LRRC37B: variants seen among roughly 807,000 people sequenced by gnomAD.
The protein encoded by LRRC37B is leucine-rich repeat-containing protein 37B.
A neutral mutation model predicts 98.3 loss-of-function variants in LRRC37B; 28 were observed. That is an observed-to-expected ratio of 0.28 (90% CI 0.21 to 0.39). LRRC37B has a LOEUF of 0.39. Ranked by LOEUF, LRRC37B falls within the 10% of genes least tolerant of loss-of-function variation. The probability of loss-of-function intolerance (pLI) is 1.00; values close to 1 mark genes in which losing one functional copy is unlikely to be tolerated. For synonymous variants in LRRC37B, 364 were observed against 442.7 expected (o/e 0.82, Z 2.23); for missense variants, 938 against 1,182.7 (o/e 0.79, Z 3.03).
At chr17:32,007,741 CG>C, upstream of LRRC37B, 1 of 1,194,176 alleles carries the variant, frequency 8.4e-7, no homozygotes, top group Admixed American at 4.5e-5. The surrounding 1 kb of genome is among the most constrained non-coding windows in gnomAD (Gnocchi z 4.1). Flanking sequence ...CGGTAGTAGC[CG>C]GGGCAGGTGG....
At chr17:32,029,118 C>A (rs942359248) in intron 3 of LRRC37B, among the ~76,000 whole-genome samples, 2 of 152,046 alleles carry the variant, frequency 1.3e-5, no homozygotes, top group African/African-American at 4.8e-5. Context: ...TCTCCTGCCT[C>A]AACCTCCCGA....
chr17:32,020,980 A>T, upstream of LRRC37B: 5 of 1,493,994 alleles, frequency 3.3e-6, no homozygotes, highest in Non-Finnish European at 4.5e-6. Context: ...CGGGATTGTG[A>T]CATAAGGTTG....
chr17:32,022,042 C>T, exon 1 of LRRC37B: 3 of 1,613,990 alleles, frequency 1.9e-6, no homozygotes, highest in South Asian at 2.2e-5. Flanking sequence ...GAACCTTCAA[C>T]CCAGCAGGAG....
At chr17:32,049,910 T>C in intron 10 of LRRC37B, 93 bp from the exon 14 acceptor site, 2 of 689,946 alleles carry the variant, frequency 2.9e-6, no homozygotes, top group Non-Finnish European at 5.0e-6. Flanking sequence ...GCTACTCAAC[T>C]GGCATACTGG....
At chr17:32,038,859 A>G (rs1911324774) in intron 7 of LRRC37B, among the ~76,000 whole-genome samples, 1 of 152,230 alleles carries the variant, frequency 6.6e-6, no homozygotes, top group South Asian at 2.1e-4. Context: ...CTCTGTCTCA[A>G]AAAAATAAAG....
intron 2 of LRRC37B, among the ~76,000 whole-genome samples, chr17:32,027,084 C>T (rs147503525): frequency 1.7e-3 from 256 of 152,202 alleles, no homozygotes; most frequent in African/African-American, 5.6e-3. Flanking sequence ...GTGCACTTTA[C>T]GCACATTGTA....
chr17:32,011,257 A>C (rs1910519431), intron 1 of LRRC37B, among the ~76,000 whole-genome samples: 1 of 151,986 alleles, frequency 6.6e-6, no homozygotes, highest in African/African-American at 2.4e-5. Flanking sequence ...AGCCTCCCAA[A>C]GTGCTGGGAT....
intron 8 of LRRC37B, 76 bp from the exon 12 acceptor site, chr17:32,047,685 G>C: frequency 6.2e-7 from 1 of 1,602,348 alleles, no homozygotes; most frequent in African/African-American, 1.3e-5. Flanking sequence ...TGTGACTGGG[G>C]CATATAGCTA....
At chr17:32,031,306 A>G in intron 4 of LRRC37B, 72 bp from the exon 8 acceptor site, 2 of 1,567,298 alleles carry the variant, frequency 1.3e-6, no homozygotes, top group South Asian at 2.3e-5. Flanking sequence ...TCCTATGTAA[A>G]TTAGACTCAC....
intron 9 of LRRC37B, among the ~76,000 whole-genome samples, chr17:32,048,589 G>C (rs1354844006): frequency 6.6e-6 from 1 of 152,000 alleles, no homozygotes; most frequent in Non-Finnish European, 1.5e-5. Flanking sequence ...TGGCTAGAGT[G>C]AAAAACATGA....
chr17:32,025,029 C>CAT (rs1567614542), intron 2 of LRRC37B, among the ~76,000 whole-genome samples: 1 of 35,246 alleles, frequency 2.8e-5, no homozygotes, highest in South Asian at 1.3e-3. Flanking sequence ...TTTTTTTCCT[C>CAT]GTTTTTTTTT....
At chr17:32,009,250 T>C (rs1466577743) in intron 1 of LRRC37B, among the ~76,000 whole-genome samples, 3 of 151,852 alleles carry the variant, frequency 2.0e-5, no homozygotes, top group Non-Finnish European at 2.9e-5. Context: ...TCATTGTTTC[T>C]GGAAAAATAC....
At chr17:32,033,853 T>C (rs1466456071) in intron 5 of LRRC37B, 1 of 152,260 alleles carries the variant, frequency 6.6e-6, no homozygotes, top group East Asian at 1.9e-4. Flanking sequence ...ATTCATTTTA[T>C]TGACAGATAA....
exon 1 of LRRC37B, chr17:32,021,539 C>T (rs202129695): frequency 3.1e-6 from 5 of 1,613,880 alleles, no homozygotes; most frequent in Admixed American, 1.7e-5. Flanking sequence ...AAGAAAGGCT[C>T]CCAGAGGTGG....
At chr17:32,049,025 A>G in intron 9 of LRRC37B, 77 bp from the exon 13 acceptor site, 1 of 1,607,864 alleles carries the variant, frequency 6.2e-7, no homozygotes. Flanking sequence ...CTGAGACAAA[A>G]TGGGAATACA....
intron 2 of LRRC37B, among the ~76,000 whole-genome samples, chr17:32,026,610 G>A (rs1910960287): frequency 6.6e-6 from 1 of 152,128 alleles, no homozygotes; most frequent in Non-Finnish European, 1.5e-5. Context: ...TCTATTTTGA[G>A]TAGAGACAGA....
rs1333105487 is a variant in LRRC37B at position 32,039,387 on chromosome 17, G to T, written c.2204+3748G>T. Among the ~76,000 whole-genome samples the T allele has an allele frequency of 2.0e-5, 3 of 146,750 alleles. No homozygotes were observed. In the Admixed American group the frequency reaches 2.1e-4, roughly 10 times the overall value. On this transcript the variant is annotated intron_variant, in intron 7 of 11. Transcript: ENST00000327564. Reference sequence around the variant, plus strand: ...CGCTACTGGGGAGGCTGAGGCGGGGGTATCGCTTGAACCCAGGAGGTAGAG... The same window carrying T: ...CGCTACTGGGGAGGCTGAGGCGGGGTTATCGCTTGAACCCAGGAGGTAGAG...
Position 32,034,941 on chromosome 17 carries a change from G to T in LRRC37B, c.2089G>T (p.Glu697Ter). 6.2e-7 allele frequency: 1 copy of T among 1,612,008 alleles called. No individual in the cohort carries two copies. Among genetic ancestry groups the T allele is most frequent in the Non-Finnish European group, 8.5e-7 (1 of 1,178,888 alleles). ...CAATCGCAATCCTCTGACTACTGTC[G>T]AAGATCCATATCTCTTTGAACTGCC... Residue 697 changes from glutamate to a stop codon, truncating the protein, a stop_gained, in exon 6 of 12, where the codon GAA (glutamate) becomes TAA (stop). Transcript: ENST00000327564. LOFTEE classifies it high-confidence loss of function.
intron 1 of LRRC37B, among the ~76,000 whole-genome samples, chr17:32,023,210 C>A (rs1278817172): frequency 6.6e-6 from 1 of 151,080 alleles, no homozygotes; most frequent in Non-Finnish European, 1.5e-5. Flanking sequence ...CAACCTCCGT[C>A]TCCCGGGTTC....
Sources: allele counts gnomAD v4.1 joint callset (sites outside exome capture counted in the v4.1 genomes callset), GRCh38; gene constraint gnomAD v4.1.1; non-coding constraint Gnocchi (gnomAD v3.1); transcripts MANE v1.5; gene names NCBI Gene and HGNC (gene_info 2026-07-23, HGNC 2026-07-21).